CAPN10: variants seen among roughly 807,000 people sequenced by gnomAD.
CAPN10 encodes the protein calpain 10, also known as calpain-10.
In CAPN10, 71 loss-of-function variants were observed where a neutral mutation model predicts 78.4. That is an observed-to-expected ratio of 0.91 (90% CI 0.75 to 1.10). The LOEUF is 1.10. Ranked by LOEUF, CAPN10 falls within the 50% of genes least tolerant of loss-of-function variation. CAPN10 has a pLI of 0.00. For missense variants in CAPN10, 849 were observed against 924.6 expected (o/e 0.92, Z 1.06); for synonymous variants, 437 against 407.2 (o/e 1.07, Z -0.88).
rs183437412 is a variant in CAPN10, at chr2:240,595,742, G to C, written c.1278+438G>C. Among the ~76,000 whole-genome samples, 7 of 152,350 alleles carry C rather than the reference G, an allele frequency of 4.6e-5. No individual in the cohort carries two copies. The South Asian group carries it at 1.4e-3, about 32-fold the overall frequency. On this transcript the variant is annotated intron_variant, in intron 7 of 11. Transcript: ENST00000391984. ...CCCTCAGTCTCTTCCCCTGCAAGAC[G>C]GGGTCCTGACACGGATCTCATGGGA... is the stretch of plus-strand genomic sequence containing the variant.
At chr2:240,590,699 C>T in intron 2 of CAPN10, 116 bp from the exon 3 acceptor site, 1 of 856,978 alleles carries the variant, frequency 1.2e-6, no homozygotes, top group Non-Finnish European at 1.8e-6. Flanking sequence ...GAGTTCTCTG[C>T]AGACCGCGGT....
Position 240,595,962 on chromosome 2 carries a change from C to T in CAPN10, c.1279-357C>T, listed in dbSNP as rs1317123086. 5.9e-6 allele frequency: 8 copies of T among 1,365,594 alleles called. No individual in the cohort carries two copies. The East Asian group carries it at 3.5e-4, about 60-fold the overall frequency. 84.6% of individuals were successfully genotyped at this position (1,365,594 alleles called of 1,614,324 possible). ...GTGACACTTGGCACCACACTGTTCC[C>T]TGTCCCTTCATGGATGTGGCCCACA... On this transcript the variant is annotated intron_variant, in intron 7 of 11. Transcript: ENST00000391984.
chr2:240,589,204 A>G (rs574904858), intron 1 of CAPN10, 139 bp from the exon 2 acceptor site: 613 of 1,118,286 alleles, frequency 5.5e-4, no homozygotes, highest in Admixed American at 9.3e-4. Flanking sequence ...GCAGGAAACC[A>G]CCTTCCTGTC....
chr2:240,596,493 G>A lies in CAPN10; in HGVS notation c.1453G>A (p.Val485Ile). ...KDAPGEFLLR[V>I]FSTGRVSLSA... ...CGCGCCAGGGGAGTTCCTGCTCCGA[G>A]TCTTCTCTACCGGGCGAGTCTCCCT... The change falls in exon 8 of 12, where the codon GTC becomes ATC. Residue 485 changes from valine (V) to isoleucine (I), a missense_variant. By Grantham distance (29) the Val-to-Ile change is conservative (BLOSUM62 3). Coordinates refer to ENST00000391984, the MANE Select transcript of CAPN10 (RefSeq NM_023083.4). 1 of 1,611,286 alleles carries A rather than the reference G, an allele frequency of 6.2e-7. No homozygotes were observed. The highest frequency in any genetic ancestry group is 8.5e-7 in the Non-Finnish European group (1 of 1,178,128).
chr2:240,595,809 C>A (rs1575451139), intron 7 of CAPN10: 2 of 601,098 alleles, frequency 3.3e-6, no homozygotes, highest in Non-Finnish European at 5.7e-6. Context: ...ACCACTGGTT[C>A]ACAAAGTGTG....
chr2:240,593,784 G>A lies in CAPN10; in HGVS notation c.689-122G>A, dbSNP rs995343248. On this transcript the variant is annotated intron_variant, in intron 4 of 11. Coordinates refer to ENST00000391984, the MANE Select transcript of CAPN10 (RefSeq NM_023083.4). The stretch of plus-strand genomic sequence containing the variant: ...GGTCCATGGGGATCTGGGGTCTCCC[G>A]TGTAGCCATAGTGGGGTGGGCTGGA... 2.5e-5 allele frequency: 30 copies of A among 1,198,684 alleles called. No individual in the cohort carries two copies. In the African/African-American group the frequency reaches 3.1e-4, roughly 12 times the overall value. The allele number at this position is 1,198,684 out of a possible 1,614,324, so 74.3% of individuals were successfully genotyped here. A position where few individuals can be genotyped will look rare whatever the true frequency, so the allele number is the denominator to read the frequency against.
rs2093136957 is a variant in CAPN10, at chr2:240,596,394, G to A, written c.1354G>A (p.Asp452Asn). The part of the protein sequence containing the change: ...PVAGTACHAY[D>N]REVHLRCELS... The stretch of plus-strand genomic sequence containing the variant: ...GGCTGGCACCGCGTGCCATGCATAC[G>A]ACCGGGAGGTCCACCTGCGTTGTGA... The change falls in exon 8 of 12, where the codon GAC (aspartate) becomes AAC (asparagine). Residue 452 changes from aspartate to asparagine, a missense_variant. Asp to Asn is a conservative substitution (Grantham distance 23). Transcript: ENST00000391984. 3.7e-6 allele frequency: 6 copies of A among 1,613,420 alleles called. No individual in the cohort carries two copies. Among genetic ancestry groups the A allele is most frequent in the Non-Finnish European group, 5.1e-6 (6 of 1,179,908 alleles).
chr2:240,595,408 C>A, intron 7 of CAPN10, 104 bp downstream of exon 7: 1 of 1,233,248 alleles, frequency 8.1e-7, no homozygotes, highest in Non-Finnish European at 1.1e-6. Context: ...TGTGACTCTG[C>A]CACGGGCCCC....
At chr2:240,593,487 C>T (rs1428787835) in intron 4 of CAPN10, among the ~76,000 whole-genome samples, 1 of 152,244 alleles carries the variant, frequency 6.6e-6, no homozygotes, top group Non-Finnish European at 1.5e-5. Flanking sequence ...CTAGCCAGGG[C>T]ACTATCTGAA....
rs925889482 is a variant in CAPN10 at position 240,592,425 on chromosome 2, C to T, written c.688+275C>T. On this transcript the variant is annotated intron_variant, in intron 4 of 11. Coordinates refer to ENST00000391984, the MANE Select transcript of CAPN10 (RefSeq NM_023083.4). Reference sequence around the variant, plus strand: ...CCGAGTCAAAGCCCACTGTCTGTGCCATCCCTGGCCCAGCTGGCAACCTGG... The same window carrying T: ...CCGAGTCAAAGCCCACTGTCTGTGCTATCCCTGGCCCAGCTGGCAACCTGG... The T allele has an allele frequency of 5.8e-6, 4 of 688,174 alleles. No homozygotes were observed. In the Admixed American group the frequency reaches 8.2e-5, roughly 14 times the overall value. The allele number at this position is 688,174 out of a possible 1,614,324, so 42.6% of individuals were successfully genotyped here.
Position 240,599,062 on chromosome 2 carries a change from A to G in CAPN10, c.*382A>G, listed in dbSNP as rs779404128. 14 of 283,962 alleles carry G rather than the reference A, an allele frequency of 4.9e-5. No individual in the cohort carries two copies. The highest frequency in any genetic ancestry group is 3.7e-4 in the Admixed American group (8 of 21,616). The allele number at this position is 283,962 out of a possible 1,614,324, so 17.6% of individuals were successfully genotyped here. A position where few individuals can be genotyped will look rare whatever the true frequency, so the allele number is the denominator to read the frequency against. The stretch of plus-strand genomic sequence containing the variant: ...ACTATTTATTGTTCGAATCACTTTT[A>G]GGATGTAACTTTATAAATAAACATG... On this transcript the variant is annotated 3_prime_UTR_variant, in exon 12 of 12. Coordinates refer to ENST00000391984, the MANE Select transcript of CAPN10 (RefSeq NM_023083.4).
At position 240,596,125 on chromosome 2, in the gene CAPN10, C is replaced by T. The variant is rs2093134932; in HGVS notation, c.1279-194C>T. ...GGCTCGTGTCTGGGACAGATACTGG[C>T]GCCAGGGCCAAGTGAAGCCCGGGAT... On this transcript the variant is annotated intron_variant, in intron 7 of 11. Coordinates refer to ENST00000391984, the MANE Select transcript of CAPN10 (RefSeq NM_023083.4). The T allele has an allele frequency of 9.2e-6, 14 of 1,518,800 alleles. No individual in the cohort carries two copies. In the South Asian group the frequency reaches 1.0e-4, roughly 11 times the overall value. The allele number at this position is 1,518,800 out of a possible 1,614,324, so 94.1% of individuals were successfully genotyped here. A position where few individuals can be genotyped will look rare whatever the true frequency, so the allele number is the denominator to read the frequency against.
chr2:240,597,501 C>T (rs1389342540), intron 9 of CAPN10, among the ~76,000 whole-genome samples: 1 of 152,216 alleles, frequency 6.6e-6, no homozygotes, highest in African/African-American at 2.4e-5. Context: ...GAGGAAGGCA[C>T]TGCAACCCTC....
At chr2:240,592,206 GC>G (rs2093107139) in intron 4 of CAPN10, 56 bp downstream of exon 4, 1 of 1,428,262 alleles carries the variant, frequency 7.0e-7, no homozygotes, top group Admixed American at 2.0e-5. Flanking sequence ...CCACTGCCAG[GC>G]CTCAGGCACA....
At position 240,595,148 on chromosome 2, in the gene CAPN10, G is replaced by C. The variant is rs150324705; in HGVS notation, c.1122G>C (p.Pro374=). The part of the protein sequence containing the change: ...NPKFWLRVSE[P]SEVYIAVLQR... ...AATTCTGGCTGCGGGTCTCAGAACC[G>C]AGTGAGGTGTACATTGCCGTCCTGC... The change falls in exon 7 of 12, where the codon CCG becomes CCC. Residue 374 remains proline, a synonymous_variant. Transcript: ENST00000391984. 2 of 1,613,968 alleles carry C rather than the reference G, an allele frequency of 1.2e-6. No homozygotes were observed. Among genetic ancestry groups the C allele is most frequent in the East Asian group, 2.2e-5 (1 of 44,880 alleles).
chr2:240,597,069 C>CA, intron 9 of CAPN10, 127 bp downstream of exon 9: 1 of 1,197,412 alleles, frequency 8.4e-7, no homozygotes, highest in Non-Finnish European at 1.2e-6. Flanking sequence ...CCCTTCGAGG[C>CA]GCTGCCTAGA....
Position 240,591,991 on chromosome 2 carries a change from C to G in CAPN10, c.529C>G (p.Leu177Val). The change falls in exon 4 of 12, where the codon CTG becomes GTG. Residue 177 changes from leucine (L) to valine (V), a missense_variant. Transcript: ENST00000391984. The stretch of plus-strand genomic sequence containing the variant: ...GCAGGTGGCGGATGCCCTGGTGGAC[C>G]TGACCGGCGGCCTGGCAGAAAGATG... Reference protein sequence around the residue: ...AGQVADALVDLTGGLAERWNL... With the variant: ...AGQVADALVDVTGGLAERWNL... 6.2e-7 allele frequency: 1 copy of G among 1,613,482 alleles called. No homozygotes were observed. The highest frequency in any genetic ancestry group is 8.5e-7 in the Non-Finnish European group (1 of 1,180,002).
At chr2:240,596,590 C>G in intron 8 of CAPN10, 69 bp downstream of exon 8, 1 of 1,540,114 alleles carries the variant, frequency 6.5e-7, no homozygotes, top group Non-Finnish European at 8.8e-7. Flanking sequence ...GATTTGGGCA[C>G]TTTCCCTCTG....
At chr2:240,597,080 AC>A in intron 9 of CAPN10, 138 bp downstream of exon 9, 1 of 1,078,100 alleles carries the variant, frequency 9.3e-7, no homozygotes, top group Non-Finnish European at 1.3e-6. Context: ...GCTGCCTAGA[AC>A]CCGCACAGGG....
Sources: allele counts gnomAD v4.1 joint callset (sites outside exome capture counted in the v4.1 genomes callset), GRCh38; gene constraint gnomAD v4.1.1; transcripts MANE v1.5; gene names NCBI Gene and HGNC (gene_info 2026-07-23, HGNC 2026-07-21).